The following FOXN1 variants were observed in gnomAD, a reference collection of about 807,000 sequenced individuals.
The protein encoded by FOXN1 is forkhead box protein N1.
A neutral mutation model predicts 49.0 loss-of-function variants in FOXN1; 15 were observed. The observed-to-expected ratio is 0.31, with a 90% confidence interval of 0.20 to 0.47. The LOEUF (loss-of-function observed/expected upper bound fraction) is 0.47. FOXN1 is among the 20% of genes least tolerant of loss of function. The pLI, the probability that FOXN1 is intolerant of heterozygous loss-of-function variation, is 1.00. For synonymous variants in FOXN1, 356 were observed against 369.0 expected, an observed-to-expected ratio of 0.96 and a Z score of 0.40; for missense variants, 800 against 842.8, an observed-to-expected ratio of 0.95 and a Z score of 0.63.
intron 4 of FOXN1, among the ~76,000 whole-genome samples, chr17:28,528,730 G>T (rs147849562): frequency 6.6e-6 from 1 of 152,188 alleles, no homozygotes; most frequent in African/African-American, 2.4e-5. Flanking sequence ...TCCTGCTTCC[G>T]GCCCAGCTGC....
chr17:28,523,919 C>T, intron 1 of FOXN1, 37 bp from the exon 2 acceptor site: 1 of 1,612,334 alleles, frequency 6.2e-7, no homozygotes, highest in African/African-American at 1.3e-5. Flanking sequence ...CCACTGGATG[C>T]TGGTCCTCAC....
intron 1 of FOXN1, among the ~76,000 whole-genome samples, chr17:28,517,047 T>C (rs1262753904): frequency 4.1e-4 from 12 of 29,162 alleles, no homozygotes; most frequent in South Asian, 2.3e-3. Flanking sequence ...ACAGAGTACA[T>C]ACCTCCACAG....
intron 1 of FOXN1, among the ~76,000 whole-genome samples, chr17:28,508,475 A>G (rs1210436369): frequency 6.6e-6 from 1 of 152,130 alleles, no homozygotes; most frequent in Non-Finnish European, 1.5e-5. Context: ...TCTGGCCTCT[A>G]AGAAAGCAAC....
intron 1 of FOXN1, among the ~76,000 whole-genome samples, chr17:28,522,211 C>T (rs2069655072): frequency 6.6e-6 from 1 of 152,202 alleles, no homozygotes. Context: ...ATGAGAAAAC[C>T]ATCCAAATTG....
rs375839642 is a variant in FOXN1 at position 28,524,000 on chromosome 17, G to T, written c.31G>T (p.Val11Phe). The T allele has an allele frequency of 1.2e-6, 2 of 1,613,058 alleles. No individual in the cohort carries two copies. Among genetic ancestry groups the T allele is most frequent in the South Asian group, 2.2e-5 (2 of 91,064 alleles). The change falls in exon 2 of 9, where the codon GTC becomes TTC. Residue 11 changes from valine to phenylalanine, a missense_variant. By Grantham distance (50) the Val-to-Phe change is conservative. Around this residue, in one of 3 missense-constraint regions of FOXN1, gnomAD observed 383 missense variants for 357.9 expected, o/e 1.07. Coordinates refer to ENST00000579795, the MANE Select transcript of FOXN1 (RefSeq NM_001369369.1). Reference protein sequence around the residue: MVSLPPPQSDVTLPGPTRLEG... With the variant: MVSLPPPQSDFTLPGPTRLEG... ...GTCGCTACCCCCGCCGCAGTCTGAC[G>T]TCACGCTGCCGGGCCCCACCAGACT...
chr17:28,524,801 C>A lies in FOXN1; in HGVS notation c.422C>A (p.Thr141Asn), dbSNP rs1473793066. The A allele has an allele frequency of 6.2e-7, 1 of 1,613,648 alleles. No homozygotes were observed. Among genetic ancestry groups the A allele is most frequent in the Non-Finnish European group, 8.5e-7 (1 of 1,180,000 alleles). The stretch of plus-strand genomic sequence containing the variant: ...GACGTCTTCCCAGAGGCCGAGACCA[C>A]CCTGGCCCTCAAAGGACACTCCTTT... ...HEDVFPEAET[T>N]LALKGHSFKT... The change falls in exon 3 of 9, where the codon ACC becomes AAC. Residue 141 changes from threonine (T) to asparagine (N), a missense_variant. Physicochemically the swap from Thr to Asn is moderately conservative, Grantham distance 65 (BLOSUM62 0). Coordinates refer to ENST00000579795, the MANE Select transcript of FOXN1 (RefSeq NM_001369369.1).
intron 1 of FOXN1, 85 bp from the exon 2 acceptor site, chr17:28,523,871 A>G (rs1450413673): frequency 4.1e-6 from 5 of 1,224,208 alleles, no homozygotes; most frequent in African/African-American, 3.1e-5. Flanking sequence ...CAGCCCAAGG[A>G]TGGGGTTGGG....
chr17:28,508,152 G>C (rs1342253738), intron 1 of FOXN1, among the ~76,000 whole-genome samples: 5 of 152,240 alleles, frequency 3.3e-5, no homozygotes, highest in African/African-American at 1.2e-4. Flanking sequence ...ATGCCAGGGA[G>C]TTCTCAGAGG....
At chr17:28,509,567 C>T (rs2069344672) in intron 1 of FOXN1, among the ~76,000 whole-genome samples, 1 of 152,208 alleles carries the variant, frequency 6.6e-6, no homozygotes. Flanking sequence ...CAGAGCCATG[C>T]CAATAGACAA....
intron 1 of FOXN1, among the ~76,000 whole-genome samples, chr17:28,523,177 G>C (rs630623): frequency 0.89 from 135,630 of 152,264 alleles, 60,986 homozygotes; most frequent in East Asian, 0.98. Flanking sequence ...TGTACCCAAG[G>C]CTCTAGGTCT....
chr17:28,521,380 G>A (rs1394438071), intron 1 of FOXN1, among the ~76,000 whole-genome samples: 3 of 152,150 alleles, frequency 2.0e-5, no homozygotes, highest in Non-Finnish European at 1.5e-5. Flanking sequence ...CCAGCCCCCT[G>A]CACCAAGCCC....
At chr17:28,536,919 T>C (rs1244547875) in intron 8 of FOXN1, among the ~76,000 whole-genome samples, 198 bp from the exon 9 acceptor site, 1 of 151,948 alleles carries the variant, frequency 6.6e-6, no homozygotes, top group African/African-American at 2.4e-5. Flanking sequence ...TTTCAGATTG[T>C]GCTACACGGG....
rs562163273 is a variant in FOXN1 at position 28,522,056 on chromosome 17, C to A, written c.-14-1900C>A. Among the ~76,000 whole-genome samples, 5 of 152,364 alleles carry A rather than the reference C, an allele frequency of 3.3e-5. No individual in the cohort carries two copies. In the South Asian group the frequency reaches 1.0e-3, roughly 32 times the overall value. On this transcript the variant is annotated intron_variant, in intron 1 of 8. Coordinates refer to ENST00000579795, the MANE Select transcript of FOXN1 (RefSeq NM_001369369.1). Reference sequence around the variant, plus strand: ...ACCCACCCAATGAAGAAACCATAAGCAGAGTGCAGAGTCTGCAGTCGGACA... The same window carrying A: ...ACCCACCCAATGAAGAAACCATAAGAAGAGTGCAGAGTCTGCAGTCGGACA...
chr17:28,527,218 C>A, intron 3 of FOXN1, 33 bp from the exon 4 acceptor site: 2 of 1,398,956 alleles, frequency 1.4e-6, no homozygotes, highest in Non-Finnish European at 2.0e-6. Flanking sequence ...GAAAATAAGG[C>A]CTAATCTAGT....
chr17:28,534,962 C>A lies in FOXN1; in HGVS notation c.1391C>A (p.Pro464His). Reference sequence around the variant, plus strand: ...TTGCACCTCTCACCAGGCCTGGCCCCTCCTGGACCCCCGCAGCCATTGTTC... The same window carrying A: ...TTGCACCTCTCACCAGGCCTGGCCCATCCTGGACCCCCGCAGCCATTGTTC... ...TYLHLSPGLA[P>H]PGPPQPLFPQ... The change falls in exon 8 of 9, where the codon CCT becomes CAT. Residue 464 changes from proline (P) to histidine (H), a missense_variant. Transcript: ENST00000579795. This position sits in a 1 kb window ranked among gnomAD's most constrained non-coding sequence, Gnocchi z 4.1. 6.2e-7 allele frequency: 1 copy of A among 1,614,100 alleles called. No individual in the cohort carries two copies. Among genetic ancestry groups the A allele is most frequent in the Non-Finnish European group, 8.5e-7 (1 of 1,179,990 alleles).
chr17:28,510,026 A>G (rs1419292852), intron 1 of FOXN1, among the ~76,000 whole-genome samples: 1 of 152,144 alleles, frequency 6.6e-6, no homozygotes. Flanking sequence ...GCTGTGAGTC[A>G]TGGAGAAAAG....
chr17:28,510,000 C>T (rs1047847106), intron 1 of FOXN1, among the ~76,000 whole-genome samples: 17 of 152,238 alleles, frequency 1.1e-4, no homozygotes, highest in Middle Eastern at 3.4e-3. Context: ...TCTTGGGGAA[C>T]TTGACTGGAG....
chr17:28,511,140 C>A (rs992164689), intron 1 of FOXN1, among the ~76,000 whole-genome samples: 2 of 152,168 alleles, frequency 1.3e-5, no homozygotes, highest in Non-Finnish European at 2.9e-5. Flanking sequence ...GGTGGGAGGG[C>A]CTCCCAGTGC....
chr17:28,522,663 T>C (rs557741357), intron 1 of FOXN1, among the ~76,000 whole-genome samples: 98 of 151,354 alleles, frequency 6.5e-4, no homozygotes, highest in Non-Finnish European at 1.3e-4. Context: ...AACAAATAAA[T>C]AAAAATAAAA....
Sources: gnomAD v4.1 joint callset for allele counts (sites outside exome capture counted in the v4.1 genomes callset) on GRCh38, gnomAD v4.1.1 for gene constraint, gnomAD v4.1.1 regional missense constraint, Gnocchi (gnomAD v3.1) non-coding constraint, MANE v1.5 for transcripts, NCBI Gene and HGNC (gene_info 2026-07-23, HGNC 2026-07-21) for gene names.